MTSS1: variants seen among roughly 807,000 people sequenced by gnomAD.
MTSS1 encodes the protein MTSS I-BAR domain containing 1.
MTSS1 carries 18 observed loss-of-function variants against 79.0 expected under a neutral mutation model. That is an observed-to-expected ratio of 0.23 (90% CI 0.16 to 0.34). The LOEUF (loss-of-function observed/expected upper bound fraction) is 0.34, where lower values mean the gene tolerates loss of function less well. Ranked by LOEUF, MTSS1 falls within the 10% of genes least tolerant of loss-of-function variation. The pLI, the probability that MTSS1 is intolerant of heterozygous loss-of-function variation, is 1.00. For synonymous variants in MTSS1, 341 were observed against 368.6 expected (o/e 0.93, Z 0.86); for missense variants, 815 against 986.2 (o/e 0.83, Z 2.33).
intron 3 of MTSS1, among the ~76,000 whole-genome samples, chr8:124,647,437 A>G (rs1189209518): frequency 2.0e-5 from 3 of 152,154 alleles, no homozygotes; most frequent in Non-Finnish European, 4.4e-5. Flanking sequence ...CGACTAAGAT[A>G]TTTTTTGTAG....
At chr8:124,591,412 T>C (rs1831852802) in intron 3 of MTSS1, among the ~76,000 whole-genome samples, 177 bp from the exon 4 acceptor site, 1 of 152,250 alleles carries the variant, frequency 6.6e-6, no homozygotes, top group Admixed American at 6.5e-5. Flanking sequence ...TAAACATGTA[T>C]GTACGTATGG....
At chr8:124,713,716 G>A (rs375505792) in intron 1 of MTSS1, among the ~76,000 whole-genome samples, 10 of 151,790 alleles carry the variant, frequency 6.6e-5, no homozygotes, top group Admixed American at 2.0e-4. Context: ...GAGCCACTGC[G>A]CCCTGCCTGT....
At chr8:124,654,179 G>A (rs1277605160) in intron 3 of MTSS1, among the ~76,000 whole-genome samples, 7 of 152,188 alleles carry the variant, frequency 4.6e-5, no homozygotes, top group Admixed American at 4.6e-4. Context: ...TCCAAAGAAA[G>A]GAGGGACAGG....
At chr8:124,686,875 CT>C (rs1029020170) in intron 3 of MTSS1, among the ~76,000 whole-genome samples, 1 of 152,138 alleles carries the variant, frequency 6.6e-6, no homozygotes, top group African/African-American at 2.4e-5. Flanking sequence ...ACTCCAGAAA[CT>C]TATGTCTGGC....
intron 1 of MTSS1, among the ~76,000 whole-genome samples, chr8:124,711,210 G>A (rs1831114859): frequency 1.3e-5 from 2 of 152,316 alleles, no homozygotes; most frequent in South Asian, 2.1e-4. Flanking sequence ...GGAGCTTGCA[G>A]ACAGGCAGGT....
Position 124,727,652 on chromosome 8 carries a change from A to G in MTSS1, c.72+232T>C, listed in dbSNP as rs1383472511. ...CGCCCCCTGGGACAATGAGCGGGGG[A>G]GATGGCGTGGGACAGCAGACACCCC... is the stretch of plus-strand genomic sequence containing the variant. On this transcript the variant is annotated intron_variant, in intron 1 of 13. Transcript: ENST00000518547. This position sits in a 1 kb window ranked among gnomAD's most constrained non-coding sequence, Gnocchi z 4.7. The G allele has an allele frequency of 3.0e-6, 2 of 658,940 alleles. No individual in the cohort carries two copies. The highest frequency in any genetic ancestry group is 5.6e-6 in the Non-Finnish European group (2 of 357,326). The allele number at this position is 658,940 out of a possible 1,614,324, so 40.8% of individuals were successfully genotyped here.
intron 3 of MTSS1, among the ~76,000 whole-genome samples, chr8:124,689,948 G>A (rs533195262): frequency 1.3e-5 from 2 of 152,240 alleles, no homozygotes; most frequent in Non-Finnish European, 2.9e-5. Context: ...ATGGAAAGAG[G>A]TGGGGGAGGA....
At chr8:124,672,660 A>C (rs551387264) in intron 3 of MTSS1, among the ~76,000 whole-genome samples, 2 of 152,144 alleles carry the variant, frequency 1.3e-5, no homozygotes, top group East Asian at 3.9e-4. Context: ...TTTAAAAAAA[A>C]ATAGCTGGGT....
chr8:124,609,777 A>C (rs981011601), intron 3 of MTSS1, among the ~76,000 whole-genome samples: 2 of 152,214 alleles, frequency 1.3e-5, no homozygotes, highest in Non-Finnish European at 2.9e-5. Context: ...CATGACTTAG[A>C]ATAAAGACTC....
chr8:124,596,918 C>G (rs1832865169), intron 3 of MTSS1, among the ~76,000 whole-genome samples: 1 of 152,094 alleles, frequency 6.6e-6, no homozygotes, highest in South Asian at 2.1e-4. Flanking sequence ...TATAAAGACC[C>G]CAGTCCTATT....
At chr8:124,592,411 C>T (rs1832023202) in intron 3 of MTSS1, among the ~76,000 whole-genome samples, 1 of 152,114 alleles carries the variant, frequency 6.6e-6, no homozygotes, top group Admixed American at 6.5e-5. Context: ...AAATAAAGCA[C>T]TATTTTTAAC....
At chr8:124,688,822 G>A (rs1018478697) in intron 3 of MTSS1, among the ~76,000 whole-genome samples, 8 of 151,946 alleles carry the variant, frequency 5.3e-5, no homozygotes, top group South Asian at 2.1e-4. Context: ...AAAACCCAAC[G>A]CTAGAATCCC....
intron 5 of MTSS1, among the ~76,000 whole-genome samples, chr8:124,586,245 T>C (rs1206558651): frequency 6.6e-6 from 1 of 152,222 alleles, no homozygotes; most frequent in East Asian, 1.9e-4. Context: ...TCCCTTCTAC[T>C]GGCCCTAAGC....
intron 3 of MTSS1, among the ~76,000 whole-genome samples, chr8:124,633,705 G>C (rs1427989860): frequency 6.6e-6 from 1 of 151,920 alleles, no homozygotes. Context: ...AGGAGGCGGA[G>C]GTTGCAGTGA....
At chr8:124,567,211 T>A in intron 7 of MTSS1, 33 bp from the exon 8 acceptor site, 5 of 1,483,700 alleles carry the variant, frequency 3.4e-6, no homozygotes, top group Non-Finnish European at 4.7e-6. Flanking sequence ...AATGTTATTA[T>A]CATGAGTGAT....
At chr8:124,667,739 C>T (rs4870918) in intron 3 of MTSS1, among the ~76,000 whole-genome samples, 37,356 of 152,012 alleles carry the variant, frequency 0.25, 5,229 homozygotes, top group East Asian at 0.37. Context: ...AAAGCATCTG[C>T]AGTTGGCAAG....
chr8:124,617,016 A>G (rs1202282323), intron 3 of MTSS1, among the ~76,000 whole-genome samples: 1 of 86,560 alleles, frequency 1.2e-5, no homozygotes, highest in South Asian at 3.2e-4. Context: ...TTAGGATTAC[A>G]TAAGTGGTAA....
chr8:124,607,093 C>T (rs1009106913), intron 3 of MTSS1, among the ~76,000 whole-genome samples: 10 of 152,306 alleles, frequency 6.6e-5, no homozygotes, highest in Middle Eastern at 6.8e-3. Context: ...AGGAGCTCAA[C>T]AAACGTGAGT....
intron 3 of MTSS1, chr8:124,619,194 C>G (rs575440725): frequency 6.6e-6 from 1 of 152,226 alleles, no homozygotes; most frequent in Non-Finnish European, 1.5e-5. Context: ...ACAGGCGTCC[C>G]GGCAGCTCCC....
Sources: allele counts gnomAD v4.1 joint callset (sites outside exome capture counted in the v4.1 genomes callset), GRCh38; gene constraint gnomAD v4.1.1; non-coding constraint Gnocchi (gnomAD v3.1); transcripts MANE v1.5; gene names NCBI Gene and HGNC (gene_info 2026-07-23, HGNC 2026-07-21).